TRIM49: variants seen among roughly 807,000 people sequenced by gnomAD.
TRIM49 encodes tripartite motif-containing protein 49.
Under a neutral mutation model 27.4 loss-of-function variants are expected in TRIM49, and 5 were observed. That is an observed-to-expected ratio of 0.18 (90% confidence interval 0.10 to 0.38). TRIM49 has a LOEUF of 0.38. Among genes scored for constraint, TRIM49 ranks in the 10% least tolerant of loss-of-function variants. The pLI is 1.00. For missense variants in TRIM49, 188 were observed against 487.5 expected, an observed-to-expected ratio of 0.39 and a Z score of 5.79; for synonymous variants, 69 against 166.0, an observed-to-expected ratio of 0.42 and a Z score of 4.49.
the TRIM49 span, among the ~76,000 whole-genome samples, chr11:89,789,928 C>A: frequency 4.6e-5 from 7 of 150,844 alleles, no homozygotes; most frequent in East Asian, 1.4e-3. Context: ...TGGGTGCAGC[C>A]CACCTAGCAT....
At chr11:89,791,003 A>G in the TRIM49 span, among the ~76,000 whole-genome samples, 2 of 148,974 alleles carry the variant, frequency 1.3e-5, no homozygotes, top group African/African-American at 5.1e-5. Flanking sequence ...AACCTTGAAA[A>G]AAGATTAGAT....
the TRIM49 span, chr11:89,787,644 G>A: frequency 2.7e-3 from 2,364 of 882,980 alleles, 298 homozygotes; most frequent in African/African-American, 0.043. Context: ...GTCCGCCTCA[G>A]CAAGGCACCC....
chr11:89,787,123 G>C, the TRIM49 span: 1 of 178,040 alleles, frequency 5.6e-6, no homozygotes, highest in South Asian at 8.9e-5. Flanking sequence ...AGCTGCCTCC[G>C]CTCCACGAGA....
downstream of TRIM49, among the ~76,000 whole-genome samples, chr11:89,793,783 A>T (rs1949671237): frequency 6.6e-6 from 1 of 151,992 alleles, no homozygotes; most frequent in South Asian, 2.1e-4. Context: ...TAAATATCAT[A>T]CTGAGTGGGC....
At chr11:89,774,350 C>G in the TRIM49 span, among the ~76,000 whole-genome samples, 6 of 150,986 alleles carry the variant, frequency 4.0e-5, no homozygotes, top group Non-Finnish European at 7.4e-5. Context: ...AACTTTCTTG[C>G]GTCTCATTCC....
the TRIM49 span, among the ~76,000 whole-genome samples, chr11:89,767,686 T>C: frequency 1.6e-5 from 2 of 128,878 alleles, 1 homozygote; most frequent in African/African-American, 8.3e-5. Flanking sequence ...CAAATCACTT[T>C]CTTATTGTTC....
downstream of TRIM49, among the ~76,000 whole-genome samples, chr11:89,797,210 C>A (rs1276243152): frequency 2.0e-5 from 3 of 151,330 alleles, no homozygotes; most frequent in East Asian, 5.8e-4. Flanking sequence ...TTTAGCCAAT[C>A]TTCTGTTGAG....
At chr11:89,793,608 C>T (rs3020911), downstream of TRIM49, among the ~76,000 whole-genome samples, 19 of 151,964 alleles carry the variant, frequency 1.3e-4, no homozygotes, top group East Asian at 3.9e-4. Flanking sequence ...TAATCCAGCA[C>T]ATAAACAGAA....
chr11:89,768,259 G>T, the TRIM49 span: 4 of 1,502,226 alleles, frequency 2.7e-6, no homozygotes, highest in Middle Eastern at 2.5e-4. Context: ...TCACAGGCTG[G>T]GGCATGTGCA....
chr11:89,767,808 TA>T, the TRIM49 span, among the ~76,000 whole-genome samples: 14 of 135,616 alleles, frequency 1.0e-4, 4 homozygotes, highest in African/African-American at 4.5e-4. Context: ...GAAATGTATT[TA>T]AAAAAACACT....
the TRIM49 span, among the ~76,000 whole-genome samples, chr11:89,773,144 T>C: frequency 7.3e-6 from 1 of 136,160 alleles, no homozygotes. Flanking sequence ...TGAGCTGAGA[T>C]CATGCCATTG....
the TRIM49 span, among the ~76,000 whole-genome samples, chr11:89,772,268 G>A: frequency 1.6e-4 from 22 of 135,406 alleles, 1 homozygote; most frequent in South Asian, 9.2e-4. Flanking sequence ...TAAAATATGC[G>A]TTAATCAACT....
the TRIM49 span, among the ~76,000 whole-genome samples, chr11:89,790,194 C>T: frequency 1.5e-5 from 2 of 130,148 alleles, no homozygotes; most frequent in South Asian, 2.6e-4. Context: ...TGCAAGGCAG[C>T]AGTGAGGCTG....
the TRIM49 span, chr11:89,768,672 A>G: frequency 2.6e-6 from 1 of 390,684 alleles, no homozygotes; most frequent in East Asian, 6.6e-5. Context: ...CCACACAAAC[A>G]CATAAGTACA....
intron 3 of TRIM49, 70 bp from the exon 4 acceptor site, chr11:89,803,863 C>T: frequency 1.3e-6 from 1 of 777,012 alleles, no homozygotes; most frequent in South Asian, 1.8e-5. Context: ...GAATGAGAGA[C>T]AAATAAGCCC....
the TRIM49 span, among the ~76,000 whole-genome samples, chr11:89,791,240 A>G: frequency 6.6e-6 from 1 of 151,998 alleles, no homozygotes; most frequent in African/African-American, 2.4e-5. Flanking sequence ...GAAATATGGG[A>G]CAATGTGAAA....
chr11:89,772,970 C>G, the TRIM49 span, among the ~76,000 whole-genome samples: 1 of 135,398 alleles, frequency 7.4e-6, no homozygotes, highest in South Asian at 2.3e-4. Context: ...AATAGCAGAT[C>G]ACCTGAGGTC....
chr11:89,800,504 G>A (rs1444738731), intron 6 of TRIM49, among the ~76,000 whole-genome samples: 3 of 151,446 alleles, frequency 2.0e-5, no homozygotes, highest in African/African-American at 4.9e-5. Flanking sequence ...AGCACTTTGG[G>A]AGGCCGAGGC....
At chr11:89,806,128 C>A (rs958032680) in intron 2 of TRIM49, among the ~76,000 whole-genome samples, 1 of 149,226 alleles carries the variant, frequency 6.7e-6, no homozygotes, top group African/African-American at 2.5e-5. Context: ...CAATAGGCTA[C>A]AAACCTGTAC....
Sources: allele counts gnomAD v4.1 joint callset (sites outside exome capture counted in the v4.1 genomes callset), GRCh38; gene constraint gnomAD v4.1.1; transcripts MANE v1.5; gene names NCBI Gene and HGNC (gene_info 2026-07-23, HGNC 2026-07-21).